The following PCSK2 variants were observed in gnomAD, a reference collection of about 807,000 sequenced individuals.
The protein encoded by PCSK2 is neuroendocrine convertase 2.
In PCSK2, 14 loss-of-function variants were observed where a neutral mutation model predicts 69.7. That is an observed-to-expected ratio of 0.20 (90% CI 0.13 to 0.31). The LOEUF (loss-of-function observed/expected upper bound fraction) is 0.31, where lower values mean the gene tolerates loss of function less well. Among genes scored for constraint, PCSK2 ranks in the 10% least tolerant of loss-of-function variants. PCSK2 has a pLI of 1.00. For missense variants in PCSK2, 544 were observed against 842.5 expected, an observed-to-expected ratio of 0.65 and a Z score of 4.39; for synonymous variants, 307 against 320.7, an observed-to-expected ratio of 0.96 and a Z score of 0.46.
At chr20:17,284,410 C>G (rs989773003) in intron 2 of PCSK2, among the ~76,000 whole-genome samples, 1 of 152,212 alleles carries the variant, frequency 6.6e-6, no homozygotes, top group Non-Finnish European at 1.5e-5. Flanking sequence ...TCCACCATCA[C>G]CACTGGCTCT....
At chr20:17,445,712 C>T (rs972535509) in intron 8 of PCSK2, among the ~76,000 whole-genome samples, 4 of 152,230 alleles carry the variant, frequency 2.6e-5, no homozygotes, top group Non-Finnish European at 5.9e-5. Flanking sequence ...CTCTGGCAGA[C>T]GATGAATGCC....
At chr20:17,227,553 A>C in intron 1 of PCSK2, 71 bp downstream of exon 1, 275 of 1,221,508 alleles carry the variant, frequency 2.3e-4, no homozygotes, top group Non-Finnish European at 2.9e-4. Flanking sequence ...GCGCAATCTC[A>C]TTGCAGATTT....
intron 3 of PCSK2, 95 bp from the exon 4 acceptor site, chr20:17,360,437 A>G: frequency 1.4e-6 from 1 of 692,546 alleles, no homozygotes; most frequent in Non-Finnish European, 2.5e-6. Flanking sequence ...GTCCTGAAAT[A>G]TTAGATGGCT....
At chr20:17,359,004 T>G (rs1010628576) in intron 3 of PCSK2, among the ~76,000 whole-genome samples, 5 of 152,202 alleles carry the variant, frequency 3.3e-5, no homozygotes, top group Admixed American at 6.5e-5. Flanking sequence ...GAAGTGAGCA[T>G]TTTGTGGGTC....
chr20:17,267,063 A>G (rs2123013851), intron 2 of PCSK2, among the ~76,000 whole-genome samples: 1 of 152,294 alleles, frequency 6.6e-6, no homozygotes, highest in South Asian at 2.1e-4. Flanking sequence ...CCTTTCTGGA[A>G]GAGTGGACAT....
At chr20:17,237,796 A>C (rs369735492) in intron 1 of PCSK2, among the ~76,000 whole-genome samples, 33 of 152,216 alleles carry the variant, frequency 2.2e-4, no homozygotes, top group African/African-American at 8.0e-4. Flanking sequence ...TACATCATAA[A>C]GCAAGTTGTC....
At chr20:17,368,139 C>G (rs2030653193) in intron 4 of PCSK2, among the ~76,000 whole-genome samples, 1 of 152,206 alleles carries the variant, frequency 6.6e-6, no homozygotes, top group Non-Finnish European at 1.5e-5. Context: ...GAAGGCAAAT[C>G]TCTAATGGTG....
At chr20:17,372,432 A>AAAT (rs2030798827) in intron 5 of PCSK2, among the ~76,000 whole-genome samples, 1 of 147,246 alleles carries the variant, frequency 6.8e-6, no homozygotes, top group Non-Finnish European at 1.5e-5. Context: ...AATAAATAAA[A>AAAT]ATAAAAGATT....
chr20:17,402,327 C>T (rs886958639), intron 5 of PCSK2, among the ~76,000 whole-genome samples: 1 of 152,214 alleles, frequency 6.6e-6, no homozygotes, highest in Non-Finnish European at 1.5e-5. Context: ...CCCAAGTCTG[C>T]TGATAATGGT....
At chr20:17,341,861 A>C (rs1990519091) in intron 2 of PCSK2, among the ~76,000 whole-genome samples, 1 of 152,144 alleles carries the variant, frequency 6.6e-6, no homozygotes, top group Non-Finnish European at 1.5e-5. Context: ...TTTTTTCCAC[A>C]GTGTTCCATG....
At chr20:17,442,017 C>CAAA (rs11483753) in intron 8 of PCSK2, among the ~76,000 whole-genome samples, 1 of 93,486 alleles carries the variant, frequency 1.1e-5, no homozygotes, top group Non-Finnish European at 2.1e-5. Flanking sequence ...ATTTAAAAGA[C>CAAA]AAAAAAAAAA....
intron 8 of PCSK2, among the ~76,000 whole-genome samples, chr20:17,437,742 C>T (rs2032512545): frequency 6.6e-6 from 1 of 152,258 alleles, no homozygotes; most frequent in African/African-American, 2.4e-5. Flanking sequence ...AACACAACTC[C>T]TTTACTACGC....
intron 8 of PCSK2, among the ~76,000 whole-genome samples, chr20:17,439,778 G>A (rs576416955): frequency 2.6e-4 from 40 of 152,262 alleles, no homozygotes; most frequent in African/African-American, 3.9e-4. Flanking sequence ...ACCCTTCAGC[G>A]CAGTGGGTGG....
At chr20:17,385,591 T>G (rs1471944746) in intron 5 of PCSK2, among the ~76,000 whole-genome samples, 1 of 152,262 alleles carries the variant, frequency 6.6e-6, no homozygotes, top group Non-Finnish European at 1.5e-5. Context: ...CTGTATACAC[T>G]AATCACTGGG....
intron 5 of PCSK2, among the ~76,000 whole-genome samples, chr20:17,370,426 A>G (rs1295254546): frequency 6.6e-6 from 1 of 152,228 alleles, no homozygotes; most frequent in African/African-American, 2.4e-5. Flanking sequence ...TAAATCTAGA[A>G]GAGCATAAAT....
At position 17,483,607 on chromosome 20, in the gene PCSK2, C is replaced by T. The variant is rs1350876915; in HGVS notation, c.*1537C>T. 1 of 152,216 alleles carries T rather than the reference C, an allele frequency of 6.6e-6. No homozygotes were observed. Among genetic ancestry groups the T allele is most frequent in the East Asian group, 1.9e-4 (1 of 5,186 alleles). The allele number at this position is 152,216 out of a possible 1,614,324, so 9.4% of individuals were successfully genotyped here. A position where few individuals can be genotyped will look rare whatever the true frequency, so the allele number is the denominator to read the frequency against. On this transcript the variant is annotated 3_prime_UTR_variant, in exon 12 of 12. Transcript: ENST00000262545. ...AACACAGAGCACTAGGTTCAATTCC[C>T]TGAAGGTGGCCACTTTAAGAGAGAA...
intron 2 of PCSK2, among the ~76,000 whole-genome samples, chr20:17,331,655 C>G (rs181397754): frequency 1.5e-4 from 23 of 152,092 alleles, no homozygotes; most frequent in African/African-American, 4.8e-4. Context: ...AATGATCTCT[C>G]TACTGTGAAC....
At chr20:17,257,910 G>C (rs1247884204) in intron 1 of PCSK2, among the ~76,000 whole-genome samples, 1 of 152,122 alleles carries the variant, frequency 6.6e-6, no homozygotes, top group Non-Finnish European at 1.5e-5. Flanking sequence ...AAAGGTTTTT[G>C]TCCAGCCTTT....
intron 2 of PCSK2, among the ~76,000 whole-genome samples, chr20:17,326,692 T>C (rs1271892957): frequency 6.6e-6 from 1 of 152,230 alleles, no homozygotes; most frequent in Admixed American, 6.5e-5. Flanking sequence ...CAGCAAGAAT[T>C]ATTGCTTGTC....
Sources: allele counts gnomAD v4.1 joint callset (sites outside exome capture counted in the v4.1 genomes callset), GRCh38; gene constraint gnomAD v4.1.1; transcripts MANE v1.5; gene names NCBI Gene and HGNC (gene_info 2026-07-23, HGNC 2026-07-21).